ANOS1: variants seen among roughly 807,000 people sequenced by gnomAD.
The protein encoded by ANOS1 is anosmin 1, also known as anosmin-1.
A neutral mutation model predicts 59.0 loss-of-function variants in ANOS1; 6 were observed. The ratio of observed to expected loss-of-function variants is 0.10; its 90% CI spans 0.06 to 0.20. The LOEUF (loss-of-function observed/expected upper bound fraction) is 0.20. ANOS1 is among the 10% of genes least tolerant of loss of function. The pLI, the probability that ANOS1 is intolerant of heterozygous loss-of-function variation, is 1.00. For synonymous variants in ANOS1, 217 were observed against 223.4 expected (o/e 0.97, Z 0.25); for missense variants, 433 against 542.3 (o/e 0.80, Z 2.00).
intron 3 of ANOS1, among the ~76,000 whole-genome samples, chrX:8,602,778 C>T (rs1303915633): frequency 9.1e-6 from 1 of 110,475 alleles, no homozygotes; most frequent in Non-Finnish European, 1.9e-5. Context: ...CTCACTCTGT[C>T]GCCAGGCTAG....
intron 2 of ANOS1, among the ~76,000 whole-genome samples, chrX:8,684,025 T>C (rs1377230380): frequency 8.9e-6 from 1 of 111,912 alleles, no homozygotes; most frequent in Non-Finnish European, 1.9e-5. Context: ...GTACTTATTC[T>C]ATCTGAGCTC....
intron 3 of ANOS1, among the ~76,000 whole-genome samples, chrX:8,606,962 C>A (rs1930954479): frequency 8.9e-6 from 1 of 111,862 alleles, no homozygotes; most frequent in African/African-American, 3.3e-5. Context: ...TACTAAAAAT[C>A]CAAAAAATCA....
chrX:8,586,179 G>A (rs1302676701), intron 5 of ANOS1, among the ~76,000 whole-genome samples: 1 of 112,086 alleles, frequency 8.9e-6, no homozygotes, highest in Non-Finnish European at 1.9e-5. Context: ...TACACCAGGT[G>A]CCGAACTCAA....
rs137855902 is a variant in ANOS1, at chrX:8,666,639, A to G, written c.255+33059T>C. Among the ~76,000 whole-genome samples the G allele has an allele frequency of 5.1e-4, 57 of 112,305 alleles. No individual in the cohort carries two copies. In the East Asian group the frequency reaches 0.016, roughly 31 times the overall value. On this transcript the variant is annotated intron_variant, in intron 2 of 13. Transcript: ENST00000262648. ...TATATCCCCAAAGTCATGAAATGGT[A>G]TCTCAGACACAGGGATGACCTTCAG... is the stretch of plus-strand genomic sequence containing the variant.
At chrX:8,659,642 C>CT (rs750032030) in intron 2 of ANOS1, among the ~76,000 whole-genome samples, 1 of 90,010 alleles carries the variant, frequency 1.1e-5, no homozygotes, top group African/African-American at 4.6e-5. Flanking sequence ...TCTTTCTTTT[C>CT]TCTTTTTTCA....
At chrX:8,659,991 G>T (rs1932009749) in intron 2 of ANOS1, among the ~76,000 whole-genome samples, 2 of 111,467 alleles carry the variant, frequency 1.8e-5, no homozygotes, top group Admixed American at 1.9e-4. Flanking sequence ...TTGGAGGAGG[G>T]ACACTTTCAC....
intron 2 of ANOS1, among the ~76,000 whole-genome samples, chrX:8,680,512 T>C (rs1303989458): frequency 6.3e-5 from 7 of 111,893 alleles, no homozygotes; most frequent in Non-Finnish European, 3.8e-5. Context: ...AGGGTGTTTT[T>C]GTTGGTGAGG....
At chrX:8,730,766 G>C (rs1391664546) in intron 1 of ANOS1, among the ~76,000 whole-genome samples, 1 of 111,129 alleles carries the variant, frequency 9.0e-6, no homozygotes. Context: ...GGCACCTAGG[G>C]ATAGAGGCGA....
intron 3 of ANOS1, among the ~76,000 whole-genome samples, chrX:8,610,179 C>T (rs1931029856): frequency 9.1e-6 from 1 of 110,222 alleles, no homozygotes; most frequent in Non-Finnish European, 1.9e-5. Context: ...GTGTCTTAAG[C>T]TTGATGGAGC....
chrX:8,572,509 C>T (rs1198072776), intron 6 of ANOS1, among the ~76,000 whole-genome samples: 5 of 112,152 alleles, frequency 4.5e-5, no homozygotes, highest in African/African-American at 9.7e-5. Flanking sequence ...GGATATGTTC[C>T]ACATTTTCTT....
chrX:8,694,188 G>A (rs919464918), intron 2 of ANOS1, among the ~76,000 whole-genome samples: 1 of 111,208 alleles, frequency 9.0e-6, no homozygotes, highest in African/African-American at 3.3e-5. Flanking sequence ...TACTGAAATG[G>A]GATTAATCAG....
At chrX:8,623,030 T>TGATGGATG (rs34949507) in intron 3 of ANOS1, among the ~76,000 whole-genome samples, 38,736 of 102,026 alleles carry the variant, frequency 0.38, 6,334 homozygotes, top group East Asian at 0.56. Flanking sequence ...GATGGATGGA[T>TGATGGATG]GATGGATGGA....
At chrX:8,710,473 C>T (rs186120487) in intron 1 of ANOS1, among the ~76,000 whole-genome samples, 5 of 111,809 alleles carry the variant, frequency 4.5e-5, no homozygotes, top group African/African-American at 1.6e-4. Flanking sequence ...ATTCCAAATA[C>T]CCACTCAAAA....
chrX:8,641,488 G>T (rs995612325), intron 2 of ANOS1, among the ~76,000 whole-genome samples: 2 of 111,850 alleles, frequency 1.8e-5, no homozygotes, highest in African/African-American at 6.5e-5. Flanking sequence ...ATCCACTGGA[G>T]AATCAGCTTC....
intron 2 of ANOS1, among the ~76,000 whole-genome samples, chrX:8,685,486 AAAG>A (rs772428286): frequency 3.7e-5 from 4 of 106,832 alleles, no homozygotes; most frequent in East Asian, 2.9e-4. Flanking sequence ...AGAAAAAAGA[AAAG>A]AAGAGAAGAG....
intron 1 of ANOS1, among the ~76,000 whole-genome samples, chrX:8,703,712 T>G (rs1203370260): frequency 9.0e-6 from 1 of 111,494 alleles, no homozygotes; most frequent in Non-Finnish European, 1.9e-5. Flanking sequence ...TACCATATGT[T>G]GAGGTAGCAG....
chrX:8,589,232 A>G (rs1418317017), intron 4 of ANOS1, among the ~76,000 whole-genome samples: 2 of 112,213 alleles, frequency 1.8e-5, no homozygotes, highest in East Asian at 5.6e-4. Context: ...CATTAATCTA[A>G]AAAAAGCTAT....
At position 8,613,214 on chromosome X, in the gene ANOS1, C is replaced by CTT. The variant is rs57906399; in HGVS notation, c.318+10392_318+10393dup. 1.9e-4 allele frequency among the ~76,000 whole-genome samples: 20 copies of CTT among 103,401 alleles called. No homozygotes were observed. In the South Asian group the frequency reaches 4.3e-3, roughly 22 times the overall value. 89.8% of individuals were successfully genotyped at this position (103,401 alleles called of 115,157 possible). A position where few individuals can be genotyped will look rare whatever the true frequency, so the allele number is the denominator to read the frequency against. On this transcript the variant is annotated intron_variant, in intron 3 of 13. Coordinates refer to ENST00000262648, the MANE Select transcript of ANOS1 (RefSeq NM_000216.4). The stretch of plus-strand genomic sequence containing the variant: ...TGATTTTTTCTTTTTCTTGTTCCTT[C>CTT]TTTTTTTTTTTGAAACAGGGTCTCA...
At chrX:8,592,884 T>C (rs897697417) in intron 4 of ANOS1, among the ~76,000 whole-genome samples, 1 of 111,542 alleles carries the variant, frequency 9.0e-6, no homozygotes, top group Non-Finnish European at 1.9e-5. Context: ...TCTATGAAGG[T>C]TAACTTACTT....
Sources: allele counts gnomAD v4.1 joint callset (sites outside exome capture counted in the v4.1 genomes callset), GRCh38; gene constraint gnomAD v4.1.1; transcripts MANE v1.5; gene names NCBI Gene and HGNC (gene_info 2026-07-23, HGNC 2026-07-21).